Variants in RFC1 observed in about 807,000 individuals in gnomAD.
RFC1 encodes the protein A1 140 kDa subunit.
A neutral mutation model predicts 137.4 loss-of-function variants in RFC1; 37 were observed. The ratio of observed to expected loss-of-function variants is 0.27; its 90% CI spans 0.21 to 0.35. The LOEUF is 0.35. RFC1 is among the 10% of genes least tolerant of loss of function. The pLI, the probability that RFC1 is intolerant of heterozygous loss-of-function variation, is 1.00. For synonymous variants in RFC1, 429 were observed against 455.7 expected (o/e 0.94, Z 0.75); for missense variants, 1,205 against 1,358.5 (o/e 0.89, Z 1.78).
intron 4 of RFC1, 68 bp from the exon 5 acceptor site, chr4:39,327,824 A>C: frequency 8.4e-7 from 1 of 1,188,028 alleles, no homozygotes; most frequent in Non-Finnish European, 1.2e-6. Context: ...AAACACTTCT[A>C]CCAACTTTAT....
intron 4 of RFC1, among the ~76,000 whole-genome samples, chr4:39,337,374 C>CAA (rs34031141): frequency 9.5e-5 from 7 of 73,880 alleles, no homozygotes; most frequent in Admixed American, 1.5e-4. Context: ...AACTCCGTCT[C>CAA]AAAAAAAAAA....
At chr4:39,338,261 A>T (rs999908657) in intron 4 of RFC1, among the ~76,000 whole-genome samples, 1 of 152,226 alleles carries the variant, frequency 6.6e-6, no homozygotes, top group Non-Finnish European at 1.5e-5. Context: ...GATCTAATCA[A>T]AGTGATGATG....
chr4:39,355,657 A>C (rs1741435741), intron 1 of RFC1, among the ~76,000 whole-genome samples: 1 of 152,232 alleles, frequency 6.6e-6, no homozygotes, highest in African/African-American at 2.4e-5. Flanking sequence ...ATATCTGTCA[A>C]GGATGTGGGG....
chr4:39,300,215 A>G (rs1173758621), intron 20 of RFC1, 45 bp downstream of exon 20: 1 of 1,612,520 alleles, frequency 6.2e-7, no homozygotes, highest in Admixed American at 1.7e-5. Context: ...TAGCCTTCGC[A>G]GTGCTGGATA....
Position 39,309,017 on chromosome 4 carries a change from T to G in RFC1, c.1504A>C (p.Lys502Gln). 2 of 1,598,808 alleles carry G rather than the reference T, an allele frequency of 1.3e-6. No individual in the cohort carries two copies. The highest frequency in any genetic ancestry group is 2.3e-5 in the South Asian group (2 of 87,502). The change falls in exon 13 of 25, where the codon AAA becomes CAA. Residue 502 changes from lysine to glutamine, a missense_variant. Lys to Gln is a moderately conservative substitution (Grantham distance 53). Coordinates refer to ENST00000349703, the MANE Select transcript of RFC1 (RefSeq NM_002913.5). ...AVETEMKKES[K>Q]LERTPQKNVQ... ...TTTTTTTGGGGTGTTCTCTCCAGTT[T>G]GGACTCTTTCTTCATCTTAAGAAGT... is the stretch of plus-strand genomic sequence containing the variant.
rs545014576 is a variant in RFC1 at position 39,287,981 on chromosome 4, C to T, written c.*780G>A. ...CCACGCTGCAAAGCCCCATAACAGACCACTGCATGAAATCCTATTCACAGC... is the reference window on the plus strand; with the variant it reads ...CCACGCTGCAAAGCCCCATAACAGATCACTGCATGAAATCCTATTCACAGC... On this transcript the variant is annotated 3_prime_UTR_variant, in exon 25 of 25. Coordinates refer to ENST00000349703, the MANE Select transcript of RFC1 (RefSeq NM_002913.5). 1 of 152,316 alleles carries T rather than the reference C, an allele frequency of 6.6e-6. No individual in the cohort carries two copies. Among genetic ancestry groups the T allele is most frequent in the South Asian group, 2.1e-4 (1 of 4,812 alleles). 9.4% of individuals were successfully genotyped at this position (152,316 alleles called of 1,614,324 possible).
At chr4:39,302,040 CATAAGT>C (rs1738386625) in intron 19 of RFC1, among the ~76,000 whole-genome samples, 1 of 152,088 alleles carries the variant, frequency 6.6e-6, no homozygotes, top group Non-Finnish European at 1.5e-5. Flanking sequence ...ATTGTTGAAG[CATAAGT>C]ATAATTTAAA....
intron 2 of RFC1, among the ~76,000 whole-genome samples, chr4:39,347,112 G>A (rs1015774178): frequency 6.6e-6 from 1 of 152,222 alleles, no homozygotes; most frequent in Non-Finnish European, 1.5e-5. Flanking sequence ...GAGGAAATGT[G>A]ACCTGTGGAG....
At chr4:39,345,826 C>A (rs1422601425) in intron 2 of RFC1, among the ~76,000 whole-genome samples, 1 of 152,080 alleles carries the variant, frequency 6.6e-6, no homozygotes, top group Non-Finnish European at 1.5e-5. Flanking sequence ...TTACTTATCA[C>A]AAATGGGGGT....
chr4:39,292,924 C>T (rs999281675), intron 22 of RFC1, among the ~76,000 whole-genome samples: 7 of 152,090 alleles, frequency 4.6e-5, no homozygotes, highest in African/African-American at 9.7e-5. Context: ...GGATTACAGA[C>T]GTGAGCCACC....
chr4:39,309,380 C>A (rs1302001499), intron 12 of RFC1, among the ~76,000 whole-genome samples: 3 of 152,098 alleles, frequency 2.0e-5, no homozygotes, highest in Non-Finnish European at 4.4e-5. Context: ...AAAACTTGTA[C>A]ACAAATGTTC....
chr4:39,330,945 T>A (rs1348577002), intron 4 of RFC1, among the ~76,000 whole-genome samples: 1 of 152,052 alleles, frequency 6.6e-6, no homozygotes, highest in African/African-American at 2.4e-5. Context: ...TCTCCCTACC[T>A]AACTACTGGT....
intron 1 of RFC1, among the ~76,000 whole-genome samples, chr4:39,353,853 ATTAATAATCTGG>A (rs1478842909): frequency 6.6e-6 from 1 of 152,348 alleles, no homozygotes; most frequent in Non-Finnish European, 1.5e-5. Flanking sequence ...CAAACTGTAA[ATTAATAATCTGG>A]TTAAAGCAAG....
rs1259206584 is a variant in RFC1 at position 39,326,790 on chromosome 4, A to C, written c.565-150T>G. ...CAATGTACACCAGCCAGAAAGTCAAATTTATGGCTACTCCCTGACCATATC... is the reference window on the plus strand; with the variant it reads ...CAATGTACACCAGCCAGAAAGTCAACTTTATGGCTACTCCCTGACCATATC... On this transcript the variant is annotated intron_variant, in intron 5 of 24. Coordinates refer to ENST00000349703, the MANE Select transcript of RFC1 (RefSeq NM_002913.5). The C allele has an allele frequency of 2.7e-5, 16 of 600,912 alleles. No individual in the cohort carries two copies. In the East Asian group the frequency reaches 4.5e-4, roughly 17 times the overall value. The allele number at this position is 600,912 out of a possible 1,614,324, so 37.2% of individuals were successfully genotyped here. A position where few individuals can be genotyped will look rare whatever the true frequency, so the allele number is the denominator to read the frequency against.
chr4:39,341,974 T>C lies in RFC1; in HGVS notation c.331+371A>G, dbSNP rs530856827. Among the ~76,000 whole-genome samples the C allele has an allele frequency of 1.1e-4, 16 of 152,324 alleles. 1 individual carries two copies. In the South Asian group the frequency reaches 3.1e-3, roughly 30 times the overall value. ...GGAATTCAACATCCGTGCTAAATTATAAATCACAAATATGAGTAATCACTC... is the reference window on the plus strand; with the variant it reads ...GGAATTCAACATCCGTGCTAAATTACAAATCACAAATATGAGTAATCACTC... On this transcript the variant is annotated intron_variant, in intron 4 of 24. Transcript: ENST00000349703.
chr4:39,300,432 C>T lies in RFC1; in HGVS notation c.2536-18G>A. 6.2e-7 allele frequency: 1 copy of T among 1,609,218 alleles called. No homozygotes were observed. On this transcript the variant is annotated intron_variant, in intron 19 of 24. Coordinates refer to ENST00000349703, the MANE Select transcript of RFC1 (RefSeq NM_002913.5). Reference sequence around the variant, plus strand: ...AATGGGCCCTGAAAAAAGAGAGGGACACACCTATTAGAATGGCCAAAATTC... The same window carrying T: ...AATGGGCCCTGAAAAAAGAGAGGGATACACCTATTAGAATGGCCAAAATTC...
intron 10 of RFC1, among the ~76,000 whole-genome samples, 167 bp downstream of exon 10, chr4:39,316,748 A>G (rs1306477594): frequency 1.3e-5 from 2 of 152,236 alleles, no homozygotes; most frequent in African/African-American, 4.8e-5. Context: ...TCAAGCAGTG[A>G]TTCATAACAT....
Position 39,321,309 on chromosome 4 carries a change from T to C in RFC1, c.786A>G (p.Glu262=). ...SSVQANLSKA[E]KHKYPHKVKT... ...TACCTTTATGAGGATATTTATGTTT[T>C]TCTGCTTTACTTAAATTGGCTTGGA... Residue 262 remains glutamate (E), a synonymous_variant, in exon 8 of 25, where the codon GAA becomes GAG. Transcript: ENST00000349703. 1 of 1,613,680 alleles carries C rather than the reference T, an allele frequency of 6.2e-7. No individual in the cohort carries two copies. Among genetic ancestry groups the C allele is most frequent in the Non-Finnish European group, 8.5e-7 (1 of 1,179,830 alleles).
At position 39,288,758 on chromosome 4, in the gene RFC1, G is replaced by T. The variant is rs766573695; in HGVS notation, c.*3C>A. ...AAGTGGCTGTCGCTAGTGAAAAATG[G>T]TTTCATTTCTTCGAACTTTTTCCTT... On this transcript the variant is annotated 3_prime_UTR_variant, in exon 25 of 25. Transcript: ENST00000349703. 6.3e-7 allele frequency: 1 copy of T among 1,599,654 alleles called. No homozygotes were observed. The highest frequency in any genetic ancestry group is 8.6e-7 in the Non-Finnish European group (1 of 1,167,464).
Sources: gnomAD v4.1 joint callset for allele counts (sites outside exome capture counted in the v4.1 genomes callset) on GRCh38, gnomAD v4.1.1 for gene constraint, MANE v1.5 for transcripts, NCBI Gene and HGNC (gene_info 2026-07-23, HGNC 2026-07-21) for gene names.